The following EGFR variants were observed in gnomAD, a reference collection of about 807,000 sequenced individuals.
The protein encoded by EGFR is avian erythroblastic leukemia viral (v-erb-b) oncogene homolog.
Under a neutral mutation model 143.0 loss-of-function variants are expected in EGFR, and 58 were observed. That is an observed-to-expected ratio of 0.41 (90% CI 0.33 to 0.50). EGFR has a LOEUF of 0.50. EGFR is among the 20% of genes least tolerant of loss of function. The pLI is 0.39. For missense variants in EGFR, 1,307 were observed against 1,579.0 expected (o/e 0.83, Z 2.92); for synonymous variants, 613 against 594.4 (o/e 1.03, Z -0.45).
intron 15 of EGFR, among the ~76,000 whole-genome samples, chr7:55,169,222 T>C (rs567987062): frequency 6.6e-6 from 1 of 152,072 alleles, no homozygotes; most frequent in African/African-American, 2.4e-5. Flanking sequence ...TGCTTCAGCC[T>C]CCCGAGTAGC....
In EGFR at chr7:55,202,499, C is replaced by T. The variant is rs200127312; in HGVS notation, c.3163-18C>T. 3.1e-6 allele frequency: 5 copies of T among 1,587,810 alleles called. No individual in the cohort carries two copies. Among genetic ancestry groups the T allele is most frequent in the Non-Finnish European group, 4.3e-6 (5 of 1,165,312 alleles). ...GGCAGCCCTGACCGGAGTAACCTTCCCTCATTTCCTCCTGCAGCTGCAAAG... is the reference window on the plus strand; with the variant it reads ...GGCAGCCCTGACCGGAGTAACCTTCTCTCATTTCCTCCTGCAGCTGCAAAG... On this transcript the variant is annotated intron_variant, in intron 26 of 27. Coordinates refer to ENST00000275493, the MANE Select transcript of EGFR (RefSeq NM_005228.5).
chr7:55,156,792 A>C lies in EGFR; in HGVS notation c.1167A>C (p.Pro389=), dbSNP rs777959179. ...TCACACATACTCCTCCTCTGGATCCACAGGAACTGGATATTCTGAAAACCG... is the reference window on the plus strand; with the variant it reads ...TCACACATACTCCTCCTCTGGATCCCCAGGAACTGGATATTCTGAAAACCG... ...DSFTHTPPLD[P]QELDILKTVK... Residue 389 remains proline, a synonymous_variant, in exon 10 of 28, where the codon CCA becomes CCC. Transcript: ENST00000275493. The C allele has an allele frequency of 5.0e-6, 8 of 1,614,240 alleles. No individual in the cohort carries two copies. In the South Asian group the frequency reaches 7.7e-5, roughly 16 times the overall value.
At chr7:55,067,315 G>A (rs757665861) in intron 1 of EGFR, among the ~76,000 whole-genome samples, 3 of 145,984 alleles carry the variant, frequency 2.1e-5, no homozygotes, top group Non-Finnish European at 4.4e-5. Context: ...AGGGAGAGCC[G>A]GAGCCCATGG....
chr7:55,148,439 G>T (rs889022657), intron 4 of EGFR, among the ~76,000 whole-genome samples: 4 of 152,174 alleles, frequency 2.6e-5, no homozygotes, highest in Non-Finnish European at 4.4e-5. Flanking sequence ...GCAGTAAAAA[G>T]ATTCAAATAC....
At chr7:55,102,214 C>T (rs187894981) in intron 1 of EGFR, among the ~76,000 whole-genome samples, 30 of 152,266 alleles carry the variant, frequency 2.0e-4, no homozygotes, top group Non-Finnish European at 4.1e-4. Flanking sequence ...ACCTGTAAGA[C>T]CCCTACTGGA....
chr7:55,029,662 C>T (rs1333687264), intron 1 of EGFR, among the ~76,000 whole-genome samples: 1 of 152,132 alleles, frequency 6.6e-6, no homozygotes, highest in African/African-American at 2.4e-5. Flanking sequence ...ATGTATTGCT[C>T]CCTGAAAAGT....
intron 1 of EGFR, among the ~76,000 whole-genome samples, chr7:55,103,990 A>G (rs865990558): frequency 2.6e-5 from 4 of 152,216 alleles, no homozygotes; most frequent in Non-Finnish European, 4.4e-5. Flanking sequence ...GAAGGGTAGA[A>G]GTTCCTGTGC....
intron 19 of EGFR, 154 bp from the exon 20 acceptor site, chr7:55,181,139 G>A (rs1786845970): frequency 2.1e-6 from 2 of 953,528 alleles, no homozygotes; most frequent in African/African-American, 1.6e-5. Flanking sequence ...AAACGTCCCT[G>A]TGCTAGGTCT....
intron 15 of EGFR, chr7:55,170,473 TG>T: frequency 3.7e-6 from 6 of 1,614,128 alleles, no homozygotes; most frequent in African/African-American, 1.3e-5. Flanking sequence ...TCAGCTGGGT[TG>T]GGGTGGATGC....
intron 1 of EGFR, among the ~76,000 whole-genome samples, chr7:55,077,189 C>G (rs956153003): frequency 2.6e-5 from 4 of 152,044 alleles, no homozygotes; most frequent in Non-Finnish European, 5.9e-5. Flanking sequence ...CCTTTGTAAG[C>G]CTAGCAGAAA....
At chr7:55,154,849 G>C (rs986043851) in intron 7 of EGFR, among the ~76,000 whole-genome samples, 6 of 151,076 alleles carry the variant, frequency 4.0e-5, no homozygotes, top group African/African-American at 1.5e-4. Context: ...AAAATTGAAA[G>C]AACAATTATG....
In EGFR at chr7:55,191,595, T is replaced by A. The variant is rs1240090114; in HGVS notation, c.2470-124T>A. On this transcript the variant is annotated intron_variant, in intron 20 of 27. Coordinates refer to ENST00000275493, the MANE Select transcript of EGFR (RefSeq NM_005228.5). ...TCTTTGGATCAGTAGTCACTAACGT[T>A]CGCCAGCCATAAGTCCTCGACGTGG... The A allele has an allele frequency of 9.4e-6, 12 of 1,278,928 alleles. No homozygotes were observed. The East Asian group carries it at 2.8e-4, about 30-fold the overall frequency. 79.2% of individuals were successfully genotyped at this position (1,278,928 alleles called of 1,614,324 possible). A position where few individuals can be genotyped will look rare whatever the true frequency, so the allele number is the denominator to read the frequency against.
chr7:55,127,316 C>G (rs1441114883), intron 1 of EGFR, among the ~76,000 whole-genome samples: 3 of 152,160 alleles, frequency 2.0e-5, no homozygotes, highest in Non-Finnish European at 4.4e-5. Flanking sequence ...AACATCACGG[C>G]CTTCTCAGTT....
At chr7:55,171,669 G>C (rs1386497592) in intron 16 of EGFR, among the ~76,000 whole-genome samples, 1 of 152,186 alleles carries the variant, frequency 6.6e-6, no homozygotes, top group East Asian at 1.9e-4. Context: ...ACACTGCCCA[G>C]CAAAGGCAAA....
At chr7:55,111,392 A>T in intron 1 of EGFR, among the ~76,000 whole-genome samples, 2 of 148,792 alleles carry the variant, frequency 1.3e-5, no homozygotes, top group African/African-American at 2.5e-5. Context: ...TCTAAACCTC[A>T]CACCTTTTAT....
Position 55,205,744 on chromosome 7 carries a change from C to A in EGFR, c.*127C>A. The A allele has an allele frequency of 3.4e-6, 5 of 1,454,100 alleles. No homozygotes were observed. Among genetic ancestry groups the A allele is most frequent in the Non-Finnish European group, 3.8e-6 (4 of 1,048,740 alleles). 90.1% of individuals were successfully genotyped at this position (1,454,100 alleles called of 1,614,324 possible). A position where few individuals can be genotyped will look rare whatever the true frequency, so the allele number is the denominator to read the frequency against. On this transcript the variant is annotated 3_prime_UTR_variant, in exon 28 of 28. Coordinates refer to ENST00000275493, the MANE Select transcript of EGFR (RefSeq NM_005228.5). ...TTAGACCCACAGACTGGTTTTGCAA[C>A]GTTTACACCGACTAGCCAGGAAGTA...
At chr7:55,086,166 G>A (rs557120902) in intron 1 of EGFR, among the ~76,000 whole-genome samples, 18 of 152,270 alleles carry the variant, frequency 1.2e-4, no homozygotes, top group South Asian at 2.1e-4. Flanking sequence ...TGTTACTGCC[G>A]AGGAAAGGGA....
intron 6 of EGFR, 80 bp from the exon 7 acceptor site, chr7:55,153,931 A>T: frequency 6.2e-7 from 1 of 1,604,414 alleles, no homozygotes; most frequent in East Asian, 2.2e-5. Context: ...GACGGGAGTC[A>T]ACACCGTGCT....
At position 55,022,051 on chromosome 7, in the gene EGFR, C is replaced by T. The variant is rs150963272; in HGVS notation, c.88+2686C>T. On this transcript the variant is annotated intron_variant, in intron 1 of 27. Transcript: ENST00000275493. ...AAGGGCCCAGGGAGCCGGCTCATGA[C>T]GATGAGCCTGTCTGAAGCTTCAACG... 7.9e-5 allele frequency among the ~76,000 whole-genome samples: 12 copies of T among 152,292 alleles called. 1 individual carries two copies. In the East Asian group the frequency reaches 1.7e-3, roughly 22 times the overall value.
Sources: allele counts gnomAD v4.1 joint callset (sites outside exome capture counted in the v4.1 genomes callset), GRCh38; gene constraint gnomAD v4.1.1; transcripts MANE v1.5; gene names NCBI Gene and HGNC (gene_info 2026-07-23, HGNC 2026-07-21).